Variants in FSTL4 observed in about 807,000 individuals in gnomAD.
FSTL4 encodes follistatin-related protein 4.
A neutral mutation model predicts 78.2 loss-of-function variants in FSTL4; 28 were observed. The ratio of observed to expected loss-of-function variants is 0.36; its 90% CI spans 0.27 to 0.49. The LOEUF is 0.49. Ranked by LOEUF, FSTL4 falls within the 20% of genes least tolerant of loss-of-function variation. The probability of loss-of-function intolerance (pLI) is 0.98; values close to 1 mark genes in which losing one functional copy is unlikely to be tolerated. For synonymous variants in FSTL4, 422 were observed against 440.5 expected (o/e 0.96, Z 0.53); for missense variants, 922 against 1,084.9 (o/e 0.85, Z 2.11).
chr5:133,561,352 G>A (rs977490012), intron 3 of FSTL4, among the ~76,000 whole-genome samples: 1 of 152,006 alleles, frequency 6.6e-6, no homozygotes, highest in Non-Finnish European at 1.5e-5. Flanking sequence ...CTCCCAATAT[G>A]TCCACGAGGC....
the FSTL4 span, among the ~76,000 whole-genome samples, chr5:133,760,167 C>T: frequency 6.6e-6 from 1 of 152,152 alleles, no homozygotes; most frequent in Non-Finnish European, 1.5e-5. Flanking sequence ...GGCATCAGGC[C>T]CTTTGGGAAG....
chr5:133,757,351 C>T, the FSTL4 span, among the ~76,000 whole-genome samples: 1 of 151,838 alleles, frequency 6.6e-6, no homozygotes, highest in Non-Finnish European at 1.5e-5. Context: ...CTTCAAAATC[C>T]AGAGTGTATT....
At chr5:133,549,809 T>C (rs922399774) in intron 3 of FSTL4, among the ~76,000 whole-genome samples, 1 of 152,250 alleles carries the variant, frequency 6.6e-6, no homozygotes, top group African/African-American at 2.4e-5. Context: ...TTGTGGTTCC[T>C]GTTCTCAGAG....
intron 3 of FSTL4, among the ~76,000 whole-genome samples, chr5:133,510,645 G>T (rs1371184210): frequency 1.3e-5 from 2 of 152,094 alleles, no homozygotes; most frequent in African/African-American, 4.8e-5. Context: ...CACTCCAAGA[G>T]AACTGGGGGA....
the FSTL4 span, among the ~76,000 whole-genome samples, chr5:133,724,183 T>A: frequency 6.6e-6 from 1 of 152,116 alleles, no homozygotes; most frequent in Non-Finnish European, 1.5e-5. Context: ...TTGGGAGAGC[T>A]CTCTCAGCTG....
chr5:133,828,060 G>A, the FSTL4 span, among the ~76,000 whole-genome samples: 4 of 152,156 alleles, frequency 2.6e-5, no homozygotes, highest in East Asian at 3.9e-4. Flanking sequence ...ACTCCACCCC[G>A]GTGGACACAG....
intron 6 of FSTL4, among the ~76,000 whole-genome samples, chr5:133,261,415 C>T (rs1752517399): frequency 6.6e-6 from 1 of 152,064 alleles, no homozygotes. Context: ...TGGATGGACC[C>T]CCCTCTTAGC....
intron 3 of FSTL4, among the ~76,000 whole-genome samples, chr5:133,485,511 G>A (rs1488593548): frequency 6.6e-6 from 1 of 152,230 alleles, no homozygotes; most frequent in Non-Finnish European, 1.5e-5. Context: ...ATTAGGCTAA[G>A]GAAGCATGGC....
At chr5:133,827,060 T>A in the FSTL4 span, among the ~76,000 whole-genome samples, 1 of 152,226 alleles carries the variant, frequency 6.6e-6, no homozygotes, top group Non-Finnish European at 1.5e-5. Context: ...TGTGGGTCCG[T>A]AAAGACGGCC....
intron 2 of FSTL4, among the ~76,000 whole-genome samples, chr5:133,572,108 T>G (rs1734333861): frequency 6.6e-6 from 1 of 152,134 alleles, no homozygotes; most frequent in Non-Finnish European, 1.5e-5. Context: ...AGTAAAATAG[T>G]TGAATATTCA....
chr5:133,701,511 C>CACACA, the FSTL4 span, among the ~76,000 whole-genome samples: 8 of 63,564 alleles, frequency 1.3e-4, no homozygotes, highest in East Asian at 5.1e-3. Flanking sequence ...ACACACACAC[C>CACACA]CCACAGGCCA....
At chr5:133,517,302 A>T (rs1423816476) in intron 3 of FSTL4, among the ~76,000 whole-genome samples, 1 of 148,722 alleles carries the variant, frequency 6.7e-6, no homozygotes, top group Non-Finnish European at 1.5e-5. Context: ...AGGTGCCTAT[A>T]TTCCCAGCTA....
intron 3 of FSTL4, among the ~76,000 whole-genome samples, chr5:133,468,729 TC>T (rs1026214916): frequency 6.6e-4 from 101 of 152,140 alleles, no homozygotes; most frequent in African/African-American, 2.3e-3. Flanking sequence ...CCCCAGTTGT[TC>T]CTGTGCTGCA....
At chr5:133,210,155 G>T (rs762247751) in intron 14 of FSTL4, 36 bp downstream of exon 14, 1 of 1,059,914 alleles carries the variant, frequency 9.4e-7, no homozygotes, top group Non-Finnish European at 1.5e-6. Flanking sequence ...TTCTCTCAGT[G>T]GAGTGTGGGT....
intron 4 of FSTL4, among the ~76,000 whole-genome samples, chr5:133,384,075 C>G (rs1417899085): frequency 6.6e-6 from 1 of 152,178 alleles, no homozygotes; most frequent in Non-Finnish European, 1.5e-5. Flanking sequence ...TGGCAGAAAG[C>G]ACCTCTGAGG....
chr5:133,639,934 A>G, the FSTL4 span, among the ~76,000 whole-genome samples: 1 of 152,218 alleles, frequency 6.6e-6, no homozygotes, highest in Non-Finnish European at 1.5e-5. Flanking sequence ...AAGAACAAAA[A>G]AAGAGTCAGA....
chr5:133,756,651 C>T, the FSTL4 span, among the ~76,000 whole-genome samples: 5 of 151,998 alleles, frequency 3.3e-5, no homozygotes, highest in African/African-American at 7.2e-5. Flanking sequence ...CCTGGCCCTC[C>T]GGCATGGAGG....
the FSTL4 span, among the ~76,000 whole-genome samples, chr5:133,703,830 G>C: frequency 6.6e-5 from 10 of 152,354 alleles, no homozygotes; most frequent in South Asian, 1.0e-3. Flanking sequence ...GCCTCAGAGA[G>C]AGGAGGGGAC....
At chr5:133,625,110 T>C in the FSTL4 span, among the ~76,000 whole-genome samples, 2 of 151,866 alleles carry the variant, frequency 1.3e-5, no homozygotes, top group Non-Finnish European at 3.0e-5. Context: ...TGTCTGGTTT[T>C]GGTATTAGGG....
Sources: allele counts gnomAD v4.1 joint callset (sites outside exome capture counted in the v4.1 genomes callset), GRCh38; gene constraint gnomAD v4.1.1; transcripts MANE v1.5; gene names NCBI Gene and HGNC (gene_info 2026-07-23, HGNC 2026-07-21).